PDE2A: variants seen among roughly 807,000 people sequenced by gnomAD.
PDE2A encodes phosphodiesterase 2A.
Under a neutral mutation model 133.6 loss-of-function variants are expected in PDE2A, and 53 were observed. The observed-to-expected ratio is 0.40, with a 90% CI of 0.32 to 0.50. The LOEUF (loss-of-function observed/expected upper bound fraction) is 0.50, where lower values mean the gene tolerates loss of function less well. Ranked by LOEUF, PDE2A falls within the 20% of genes least tolerant of loss-of-function variation. The pLI, the probability that PDE2A is intolerant of heterozygous loss-of-function variation, is 0.73. For synonymous variants in PDE2A, 491 were observed against 490.2 expected, an observed-to-expected ratio of 1.00 and a Z score of -0.02; for missense variants, 796 against 1,232.4, an observed-to-expected ratio of 0.65 and a Z score of 5.30.
chr11:72,641,379 C>A (rs1858945250), intron 2 of PDE2A, among the ~76,000 whole-genome samples: 2 of 152,148 alleles, frequency 1.3e-5, no homozygotes, highest in African/African-American at 2.4e-5. Flanking sequence ...CTGAGCCTGC[C>A]CCCTCCTCAC....
rs117295389 is a variant in PDE2A at position 72,597,880 on chromosome 11, G to C, written c.324-261C>G. On this transcript the variant is annotated intron_variant, in intron 4 of 30. Transcript: ENST00000334456. The surrounding 1 kb of genome is among the most constrained non-coding windows in gnomAD (Gnocchi z 4.6). ...GGTGGGGCCCAGTGCAGATCTTCCA[G>C]GCAGTGGGAGAGCAGAGGAAGTGAA... is the stretch of plus-strand genomic sequence containing the variant. Among the ~76,000 whole-genome samples the C allele has an allele frequency of 0.011, 1,657 of 152,296 alleles. 10 individuals carry two copies. The highest frequency in any genetic ancestry group is 0.048 in the Middle Eastern group (14 of 294).
At chr11:72,607,241 CAATT>C (rs1175401191) in intron 3 of PDE2A, among the ~76,000 whole-genome samples, 2 of 152,190 alleles carry the variant, frequency 1.3e-5, no homozygotes, top group Non-Finnish European at 2.9e-5. Flanking sequence ...TTTGGGGAGA[CAATT>C]AATCTGTTGC....
At chr11:72,580,547 GA>G in intron 25 of PDE2A, 29 bp downstream of exon 25, 1 of 1,533,418 alleles carries the variant, frequency 6.5e-7, no homozygotes, top group Non-Finnish European at 8.9e-7. Context: ...TAAAGGGGAA[GA>G]AGGACGGGGT....
chr11:72,597,736 A>T lies in PDE2A; in HGVS notation c.324-117T>A. 1 of 664,220 alleles carries T rather than the reference A, an allele frequency of 1.5e-6. No individual in the cohort carries two copies. Among genetic ancestry groups the T allele is most frequent in the South Asian group, 1.8e-5 (1 of 55,502 alleles). The allele number at this position is 664,220 out of a possible 1,614,324, so 41.1% of individuals were successfully genotyped here. A position where few individuals can be genotyped will look rare whatever the true frequency, so the allele number is the denominator to read the frequency against. On this transcript the variant is annotated intron_variant, in intron 4 of 30. Coordinates refer to ENST00000334456, the MANE Select transcript of PDE2A (RefSeq NM_002599.5). This position sits in a 1 kb window ranked among gnomAD's most constrained non-coding sequence, Gnocchi z 4.6. ...CATGTGCAAGGATCTGGGCAAGCTG[A>T]CCTGCCTCAGGTTGGACACGATGAC... is the stretch of plus-strand genomic sequence containing the variant.
intron 13 of PDE2A, 49 bp from the exon 14 acceptor site, chr11:72,586,230 T>C: frequency 9.6e-7 from 1 of 1,037,110 alleles, no homozygotes; most frequent in Non-Finnish European, 1.5e-6. Flanking sequence ...GACTGGCTTC[T>C]CTCCCCACTC....
chr11:72,591,446 C>G (rs1856244435), intron 6 of PDE2A, 90 bp from the exon 7 acceptor site: 2 of 921,562 alleles, frequency 2.2e-6, no homozygotes, highest in African/African-American at 3.2e-5. Flanking sequence ...ACACACTGGT[C>G]CCCACCAACA....
intron 2 of PDE2A, chr11:72,621,816 C>T (rs1048545474): frequency 2.6e-5 from 4 of 152,088 alleles, no homozygotes; most frequent in Non-Finnish European, 4.4e-5. Context: ...CAGTCTTCAC[C>T]GGAAAGCTCC....
At chr11:72,605,986 G>A (rs1220672593) in intron 3 of PDE2A, among the ~76,000 whole-genome samples, 1 of 152,074 alleles carries the variant, frequency 6.6e-6, no homozygotes, top group Non-Finnish European at 1.5e-5. Flanking sequence ...AACAGAACTG[G>A]GGCAGGGCAG....
At chr11:72,602,538 G>T (rs1489601219) in intron 4 of PDE2A, among the ~76,000 whole-genome samples, 4 of 152,106 alleles carry the variant, frequency 2.6e-5, no homozygotes, top group African/African-American at 9.7e-5. Flanking sequence ...CTCCCTCCTG[G>T]GGGGACCAGA....
chr11:72,674,335 A>G lies in PDE2A; in HGVS notation c.-128T>C. 2 of 865,834 alleles carry G rather than the reference A, an allele frequency of 2.3e-6. No homozygotes were observed. Among genetic ancestry groups the G allele is most frequent in the Non-Finnish European group, 3.5e-6 (2 of 566,452 alleles). 53.6% of individuals were successfully genotyped at this position (865,834 alleles called of 1,614,324 possible). On this transcript the variant is annotated 5_prime_UTR_variant, in exon 1 of 31. Transcript: ENST00000334456. ...AAGAGCAGTGGGCTGCCCCCTACTCAGCCTGGACTCAACACCCCAATCCAG... is the reference window on the plus strand; with the variant it reads ...AAGAGCAGTGGGCTGCCCCCTACTCGGCCTGGACTCAACACCCCAATCCAG...
chr11:72,603,663 T>C (rs1856850521), intron 4 of PDE2A, among the ~76,000 whole-genome samples: 1 of 152,222 alleles, frequency 6.6e-6, no homozygotes, highest in Admixed American at 6.5e-5. Context: ...AAGGGGGACA[T>C]GACCACATTT....
At chr11:72,622,824 T>C (rs1296401070) in intron 2 of PDE2A, among the ~76,000 whole-genome samples, 1 of 152,188 alleles carries the variant, frequency 6.6e-6, no homozygotes, top group East Asian at 1.9e-4. Context: ...TAGAAATGGT[T>C]ATGATGGTAA....
In PDE2A at chr11:72,591,366, T is replaced by C. The variant is rs1178140671; in HGVS notation, c.490-10A>G. The C allele has an allele frequency of 1.9e-6, 3 of 1,612,004 alleles. No homozygotes were observed. Among genetic ancestry groups the C allele is most frequent in the South Asian group, 2.2e-5 (2 of 91,016 alleles). The stretch of plus-strand genomic sequence containing the variant: ...GCTGGCCACAGTGCACCTGGAGGGA[T>C]GGGAGAAGGGAACTAGCTGTGACCT... On this transcript the variant is annotated splice_polypyrimidine_tract_variant and intron_variant, in intron 6 of 30. Coordinates refer to ENST00000334456, the MANE Select transcript of PDE2A (RefSeq NM_002599.5).
At chr11:72,669,713 C>T (rs1358181077) in intron 1 of PDE2A, among the ~76,000 whole-genome samples, 2 of 152,112 alleles carry the variant, frequency 1.3e-5, no homozygotes, top group African/African-American at 4.8e-5. Context: ...CTCATTTCTT[C>T]CAACCAAAGC....
intron 1 of PDE2A, among the ~76,000 whole-genome samples, chr11:72,642,743 T>C (rs949267172): frequency 3.3e-4 from 50 of 151,162 alleles, no homozygotes; most frequent in African/African-American, 1.1e-3. Context: ...GATCGCACCC[T>C]GTTTCCCCGC....
chr11:72,599,615 C>T (rs1856647345), intron 4 of PDE2A, among the ~76,000 whole-genome samples: 1 of 152,194 alleles, frequency 6.6e-6, no homozygotes, highest in Admixed American at 6.5e-5. Context: ...CCTGAAGCAG[C>T]CTCTCCCCAA....
At chr11:72,584,115 A>C (rs1855845507) in intron 19 of PDE2A, 86 bp downstream of exon 19, 2 of 726,580 alleles carry the variant, frequency 2.8e-6, no homozygotes, top group South Asian at 1.7e-5. Flanking sequence ...ATCCACAAGG[A>C]GAGTCAGTCG....
Position 72,584,534 on chromosome 11 carries a change from C to A in PDE2A, c.1537+17G>T, listed in dbSNP as rs1306826085. 3.2e-6 allele frequency: 5 copies of A among 1,582,196 alleles called. No homozygotes were observed. The highest frequency in any genetic ancestry group is 4.3e-6 in the Non-Finnish European group (5 of 1,164,918). On this transcript the variant is annotated intron_variant, in intron 18 of 30. Coordinates refer to ENST00000334456, the MANE Select transcript of PDE2A (RefSeq NM_002599.5). ...CCGGCGCAGGCCCCGCCCCTCCGCC[C>A]GGGCCGCCACGCGCACCCTGGTTCT...
chr11:72,639,135 G>C lies in PDE2A; in HGVS notation c.144+3119C>G, dbSNP rs182409280. Among the ~76,000 whole-genome samples the C allele has an allele frequency of 3.7e-3, 556 of 152,288 alleles. 2 individuals carry two copies. Among genetic ancestry groups the C allele is most frequent in the South Asian group, 0.015 (72 of 4,828 alleles). ...CACCTGCTGGGAGGCAGCCCAGTAGGGTTTTCCCACAGCTCTCTCTGGAAG... is the reference window on the plus strand; with the variant it reads ...CACCTGCTGGGAGGCAGCCCAGTAGCGTTTTCCCACAGCTCTCTCTGGAAG... On this transcript the variant is annotated intron_variant, in intron 2 of 30. Coordinates refer to ENST00000334456, the MANE Select transcript of PDE2A (RefSeq NM_002599.5).
Sources: gnomAD v4.1 joint callset for allele counts (sites outside exome capture counted in the v4.1 genomes callset) on GRCh38, gnomAD v4.1.1 for gene constraint, Gnocchi (gnomAD v3.1) non-coding constraint, MANE v1.5 for transcripts, NCBI Gene and HGNC (gene_info 2026-07-23, HGNC 2026-07-21) for gene names.